PHEX: variants seen among roughly 807,000 people sequenced by gnomAD.
PHEX encodes phosphate-regulating neutral endopeptidase PHEX.
PHEX carries 16 observed loss-of-function variants against 68.0 expected under a neutral mutation model. The observed-to-expected ratio is 0.24, with a 90% CI of 0.16 to 0.36. The LOEUF (loss-of-function observed/expected upper bound fraction) is 0.36. Among genes scored for constraint, PHEX ranks in the 10% least tolerant of loss-of-function variants. The pLI is 1.00. For missense variants in PHEX, 480 were observed against 575.5 expected, an observed-to-expected ratio of 0.83 and a Z score of 1.70; for synonymous variants, 208 against 205.1, an observed-to-expected ratio of 1.01 and a Z score of -0.12.
intron 9 of PHEX, among the ~76,000 whole-genome samples, chrX:22,109,471 A>G (rs1457031997): frequency 8.9e-6 from 1 of 112,414 alleles, no homozygotes; most frequent in Non-Finnish European, 1.9e-5. Flanking sequence ...ATATCTCTAT[A>G]GAAATTAAAC....
At position 22,232,111 on chromosome X, in the gene PHEX, T is replaced by C. The variant is rs774056625; in HGVS notation, c.2070+4500T>C. ...AGTTTCTTAATCCTGAGTTCTAATT[T>C]GATTGCACTGAGGTCTGAGAGACTG... On this transcript the variant is annotated intron_variant, in intron 20 of 21. Coordinates refer to ENST00000379374, the MANE Select transcript of PHEX (RefSeq NM_000444.6). Among the ~76,000 whole-genome samples the C allele has an allele frequency of 1.7e-4, 19 of 112,187 alleles. 1 individual carries two copies. Among genetic ancestry groups the C allele is most frequent in the Middle Eastern group, 9.2e-3 (2 of 217 alleles).
At chrX:22,203,034 A>G (rs1204596141) in intron 15 of PHEX, among the ~76,000 whole-genome samples, 2 of 111,016 alleles carry the variant, frequency 1.8e-5, no homozygotes, top group Non-Finnish European at 3.8e-5. Context: ...GCTGAGCTAT[A>G]AAAAGGCAGC....
intron 12 of PHEX, among the ~76,000 whole-genome samples, chrX:22,138,548 T>TAGAG (rs1491151119): frequency 8.9e-6 from 1 of 111,863 alleles, no homozygotes; most frequent in African/African-American, 3.3e-5. Flanking sequence ...CCTTTCTCTC[T>TAGAG]TCCTCTGTGG....
rs1411877524 is a variant in PHEX at position 22,094,015 on chromosome X, T to C, written c.765T>C (p.Asp255=). ...YRDALYKFMV[D]TAVLLGANSS... is the part of the protein sequence containing the mutation. ...ATGCCCTTTACAAGTTCATGGTGGA[T>C]ACTGCCGTGCTTTTAGGAGCTAACA... The change falls in exon 7 of 22, where the codon GAT becomes GAC. Residue 255 remains aspartate (D), a synonymous_variant. Coordinates refer to ENST00000379374, the MANE Select transcript of PHEX (RefSeq NM_000444.6). 1 of 1,202,950 alleles carries C rather than the reference T, an allele frequency of 8.3e-7. No homozygotes were observed. The highest frequency in any genetic ancestry group is 1.7e-5 in the African/African-American group (1 of 57,719).
At chrX:22,043,904 G>C (rs1372128035) in intron 2 of PHEX, among the ~76,000 whole-genome samples, 2 of 111,056 alleles carry the variant, frequency 1.8e-5, no homozygotes, top group African/African-American at 6.6e-5. Flanking sequence ...AGGGGGAAAG[G>C]CGTTTTGGTG....
intron 20 of PHEX, among the ~76,000 whole-genome samples, chrX:22,235,144 G>T (rs148499327): frequency 0.021 from 2,334 of 111,615 alleles, 29 homozygotes; most frequent in Middle Eastern, 0.056. Flanking sequence ...GCTTCGGCTT[G>T]CCCTCTGTGG....
In PHEX at chrX:22,113,226, G is replaced by A. The variant is rs138523641; in HGVS notation, c.1174-1232G>A. ...GTGCTAAATATAATATTGAATTGCC[G>A]AAGAAGGTTGTAGGATCTCTTTCTC... is the stretch of plus-strand genomic sequence containing the variant. On this transcript the variant is annotated intron_variant, in intron 10 of 21. Transcript: ENST00000379374. Among the ~76,000 whole-genome samples, 829 of 111,802 alleles carry A rather than the reference G, an allele frequency of 7.4e-3. 7 individuals are homozygous for A. The highest frequency in any genetic ancestry group is 0.026 in the African/African-American group (796 of 30,787).
intron 18 of PHEX, among the ~76,000 whole-genome samples, chrX:22,225,471 G>T (rs1935460728): frequency 9.0e-6 from 1 of 111,511 alleles, no homozygotes; most frequent in Non-Finnish European, 1.9e-5. Flanking sequence ...TGTTATACAA[G>T]AGTTGAATGA....
At chrX:22,088,397 C>G (rs1929712082) in intron 5 of PHEX, among the ~76,000 whole-genome samples, 1 of 111,390 alleles carries the variant, frequency 9.0e-6, no homozygotes, top group Non-Finnish European at 1.9e-5. Flanking sequence ...TGGTTTCCTT[C>G]CAAAGTGGCT....
At chrX:22,126,476 A>G (rs1038976843) in intron 11 of PHEX, among the ~76,000 whole-genome samples, 1 of 111,987 alleles carries the variant, frequency 8.9e-6, no homozygotes, top group Non-Finnish European at 1.9e-5. Context: ...CCTTAAAGCA[A>G]TGTTGGCATA....
chrX:22,128,098 G>A (rs1602318757), intron 11 of PHEX, among the ~76,000 whole-genome samples: 2 of 111,650 alleles, frequency 1.8e-5, no homozygotes, highest in African/African-American at 3.3e-5. Context: ...TTGCTCTGTC[G>A]CCCAGGCTGG....
At chrX:22,139,287 C>T (rs193272026) in intron 12 of PHEX, among the ~76,000 whole-genome samples, 1 of 111,448 alleles carries the variant, frequency 9.0e-6, no homozygotes, top group East Asian at 2.8e-4. Flanking sequence ...GGAGGGGAGG[C>T]TTTGGCTGGA....
chrX:22,105,751 C>G (rs752350719), intron 9 of PHEX, among the ~76,000 whole-genome samples: 57 of 112,036 alleles, frequency 5.1e-4, no homozygotes, highest in African/African-American at 1.7e-3. Context: ...CCTCACAGCA[C>G]TGTTAGAAAT....
chrX:22,071,997 C>T (rs1296299741), intron 3 of PHEX, among the ~76,000 whole-genome samples: 3 of 112,020 alleles, frequency 2.7e-5, no homozygotes, highest in Non-Finnish European at 5.6e-5. Context: ...GAGGCTGAGG[C>T]GGGTGGATCA....
chrX:22,041,012 G>A (rs1927249804), intron 2 of PHEX, among the ~76,000 whole-genome samples: 1 of 108,122 alleles, frequency 9.2e-6, no homozygotes. Flanking sequence ...GAGGGAGAAT[G>A]GGGGAAGGTT....
Position 22,178,389 on chromosome X carries a change from CA to C in PHEX, c.1586+20del. The C allele has an allele frequency of 2.9e-6, 3 of 1,037,880 alleles. No homozygotes were observed. The highest frequency in any genetic ancestry group is 1.9e-5 in the South Asian group (1 of 52,818). The allele number at this position is 1,037,880 out of a possible 1,213,427, so 85.5% of individuals were successfully genotyped here. ...TTCCAAAAACAGAGTGAGTATTAAA[CA>C]AAAAAAGTTAAATAGATAAATACAT... On this transcript the variant is annotated intron_variant, in intron 14 of 21. Transcript: ENST00000379374.
intron 14 of PHEX, among the ~76,000 whole-genome samples, chrX:22,179,251 GATA>G (rs2147129080): frequency 9.0e-6 from 1 of 110,517 alleles, no homozygotes; most frequent in East Asian, 2.8e-4. Flanking sequence ...CTCCAGATTG[GATA>G]ATTTCTATTG....
At chrX:22,239,601 T>C (rs762485501) in intron 20 of PHEX, among the ~76,000 whole-genome samples, 6 of 110,255 alleles carry the variant, frequency 5.4e-5, no homozygotes, top group Non-Finnish European at 1.1e-4. Context: ...CATACACAAG[T>C]ATCAATAGCC....
chrX:22,037,474 T>C (rs1927082086), intron 1 of PHEX, among the ~76,000 whole-genome samples: 1 of 111,920 alleles, frequency 8.9e-6, no homozygotes, highest in African/African-American at 3.2e-5. Context: ...ACAAATACTT[T>C]TGAAATCTTA....
Sources: gnomAD v4.1 joint callset for allele counts (sites outside exome capture counted in the v4.1 genomes callset) on GRCh38, gnomAD v4.1.1 for gene constraint, MANE v1.5 for transcripts, NCBI Gene and HGNC (gene_info 2026-07-23, HGNC 2026-07-21) for gene names.